The following PCSK6 variants were observed in gnomAD, a reference collection of about 807,000 sequenced individuals.
PCSK6 encodes the protein proprotein convertase subtilisin/kexin type 6.
A neutral mutation model predicts 123.3 loss-of-function variants in PCSK6; 85 were observed. The ratio of observed to expected loss-of-function variants is 0.69; its 90% CI spans 0.58 to 0.83. The LOEUF (loss-of-function observed/expected upper bound fraction) is 0.83, where lower values mean the gene tolerates loss of function less well. Ranked by LOEUF, PCSK6 falls within the 40% of genes least tolerant of loss-of-function variation. The pLI is 0.00. For synonymous variants in PCSK6, 508 were observed against 516.0 expected (o/e 0.98, Z 0.21); for missense variants, 1,191 against 1,282.3 (o/e 0.93, Z 1.09).
At chr15:101,372,894 C>T (rs1029339936) in intron 11 of PCSK6, among the ~76,000 whole-genome samples, 1 of 152,144 alleles carries the variant, frequency 6.6e-6, no homozygotes, top group African/African-American at 2.4e-5. Context: ...ACCAATTGCT[C>T]ATCGGTAGGG....
Position 101,464,191 on chromosome 15 carries a change from T to C in PCSK6, c.298-20531A>G, listed in dbSNP as rs147179482. The stretch of plus-strand genomic sequence containing the variant: ...TGCTGCCTTGCAAGCTGGTGCCCTT[T>C]CTCCACAGACTCACCCACATCCTGC... On this transcript the variant is annotated intron_variant, in intron 1 of 21. Coordinates refer to ENST00000611716, the MANE Select transcript of PCSK6 (RefSeq NM_002570.5). Among the ~76,000 whole-genome samples, 346 of 152,184 alleles carry C rather than the reference T, an allele frequency of 2.3e-3. 1 individual carries two copies. Among genetic ancestry groups the C allele is most frequent in the African/African-American group, 7.6e-3 (316 of 41,508 alleles).
At chr15:101,345,473 T>C (rs1327363825) in intron 13 of PCSK6, among the ~76,000 whole-genome samples, 1 of 152,076 alleles carries the variant, frequency 6.6e-6, no homozygotes, top group African/African-American at 2.4e-5. Context: ...GAAATAATTA[T>C]CAAAACTCTG....
intron 1 of PCSK6, among the ~76,000 whole-genome samples, chr15:101,467,924 C>T (rs534092299): frequency 1.3e-5 from 2 of 152,264 alleles, no homozygotes; most frequent in Admixed American, 6.5e-5. Context: ...GCAAGGAACG[C>T]GTAGGTAATA....
In PCSK6 at chr15:101,365,194, G is replaced by A. The variant is rs1422928451; in HGVS notation, c.1858+1002C>T. The A allele has an allele frequency of 1.5e-5, 7 of 461,584 alleles. No individual in the cohort carries two copies. The East Asian group carries it at 2.1e-4, about 14-fold the overall frequency. 28.6% of individuals were successfully genotyped at this position (461,584 alleles called of 1,614,324 possible). A position where few individuals can be genotyped will look rare whatever the true frequency, so the allele number is the denominator to read the frequency against. On this transcript the variant is annotated intron_variant, in intron 13 of 21. Transcript: ENST00000611716. ...GTAAGAGCTATAACACTCTTAAAAGGAAACACAGGAGTAAATCTCTGTGAC... is the reference window on the plus strand; with the variant it reads ...GTAAGAGCTATAACACTCTTAAAAGAAAACACAGGAGTAAATCTCTGTGAC...
intron 6 of PCSK6, among the ~76,000 whole-genome samples, chr15:101,406,847 C>T (rs1387440903): frequency 1.3e-5 from 2 of 152,172 alleles, no homozygotes; most frequent in African/African-American, 2.4e-5. Context: ...GGAGCCACTC[C>T]ACCTCCTTCT....
chr15:101,343,099 T>A (rs2040655529), intron 13 of PCSK6, among the ~76,000 whole-genome samples: 1 of 152,258 alleles, frequency 6.6e-6, no homozygotes, highest in Admixed American at 6.5e-5. Flanking sequence ...AGGACAATTT[T>A]AATTTTATGT....
intron 19 of PCSK6, among the ~76,000 whole-genome samples, chr15:101,316,682 C>A (rs1000172325): frequency 3.3e-5 from 5 of 152,240 alleles, no homozygotes; most frequent in African/African-American, 1.2e-4. Context: ...CAGGAGGGAA[C>A]TGAGGAGGAC....
At chr15:101,372,988 A>AAC (rs1181747227) in intron 11 of PCSK6, among the ~76,000 whole-genome samples, 2 of 152,006 alleles carry the variant, frequency 1.3e-5, no homozygotes, top group African/African-American at 2.4e-5. Flanking sequence ...GGGATGAGAG[A>AAC]ACGGGAGCAG....
intron 13 of PCSK6, among the ~76,000 whole-genome samples, chr15:101,356,795 A>G (rs73493394): frequency 0.034 from 5,161 of 152,300 alleles, 200 homozygotes; most frequent in African/African-American, 0.099. Context: ...AGCAGGATTC[A>G]CACTCGATTC....
At chr15:101,454,976 GAATGAATA>G (rs1293827190) in intron 1 of PCSK6, among the ~76,000 whole-genome samples, 2 of 132,608 alleles carry the variant, frequency 1.5e-5, no homozygotes, top group African/African-American at 7.5e-5. Context: ...ATGAATGAAT[GAATGAATA>G]AATAAATAAA....
chr15:101,370,542 C>G lies in PCSK6; in HGVS notation c.1533-19G>C. The G allele has an allele frequency of 7.0e-7, 1 of 1,430,284 alleles. No individual in the cohort carries two copies. Among genetic ancestry groups the G allele is most frequent in the Non-Finnish European group, 9.2e-7 (1 of 1,082,802 alleles). 88.6% of individuals were successfully genotyped at this position (1,430,284 alleles called of 1,614,324 possible). A position where few individuals can be genotyped will look rare whatever the true frequency, so the allele number is the denominator to read the frequency against. On this transcript the variant is annotated intron_variant, in intron 11 of 21. Transcript: ENST00000611716. ...GATGCTCCTGGGGGAGAAGGGAGGG[C>G]TCAGCACTTGGCACCGGAAGCATGA...
Position 101,465,474 on chromosome 15 carries a change from G to A in PCSK6, c.298-21814C>T, listed in dbSNP as rs558582651. Among the ~76,000 whole-genome samples, 6 of 152,288 alleles carry A rather than the reference G, an allele frequency of 3.9e-5. No individual in the cohort carries two copies. The South Asian group carries it at 1.0e-3, about 26-fold the overall frequency. On this transcript the variant is annotated intron_variant, in intron 1 of 21. Transcript: ENST00000611716. ...TCCCCAGCTCCAGAGCAGAGTGTGC[G>A]GACACACCCAGGAACGGCTGAGGCT...
intron 15 of PCSK6, among the ~76,000 whole-genome samples, chr15:101,327,824 G>C (rs2040291700): frequency 6.6e-6 from 1 of 152,050 alleles, no homozygotes; most frequent in Non-Finnish European, 1.5e-5. Flanking sequence ...TTTTCACTGG[G>C]GGGGCTTTGC....
At chr15:101,366,132 G>C (rs1327800743) in intron 13 of PCSK6, 64 bp downstream of exon 13, 1 of 1,494,152 alleles carries the variant, frequency 6.7e-7, no homozygotes, top group Non-Finnish European at 9.0e-7. Flanking sequence ...AGTTAAATAA[G>C]GCCCAGAGGT....
chr15:101,479,415 C>T (rs992383238), intron 1 of PCSK6, among the ~76,000 whole-genome samples: 2 of 152,218 alleles, frequency 1.3e-5, no homozygotes, highest in Non-Finnish European at 2.9e-5. Context: ...CTACGGATGG[C>T]CGTGTGGGAA....
At position 101,370,499 on chromosome 15, in the gene PCSK6, C is replaced by A. The variant is rs1431063018; in HGVS notation, c.1557G>T (p.Leu519=). 6 of 1,528,906 alleles carry A rather than the reference C, an allele frequency of 3.9e-6. No individual in the cohort carries two copies. Among genetic ancestry groups the A allele is most frequent in the Middle Eastern group, 1.7e-4 (1 of 5,756 alleles). The allele number at this position is 1,528,906 out of a possible 1,614,324, so 94.7% of individuals were successfully genotyped here. A position where few individuals can be genotyped will look rare whatever the true frequency, so the allele number is the denominator to read the frequency against. Residue 519 remains leucine, a synonymous_variant, in exon 12 of 22, where the codon CTG becomes CTT. Transcript: ENST00000611716. The stretch of plus-strand genomic sequence containing the variant: ...AGGCGCTGGTCAGGGCCGTAGTCCG[C>A]AGCACCTGCACTAAGGGGATGCTCC... ...RPRSIPLVQV[L]RTTALTSACA...
chr15:101,331,122 G>A (rs1163431604), intron 15 of PCSK6, among the ~76,000 whole-genome samples: 1 of 152,220 alleles, frequency 6.6e-6, no homozygotes, highest in Admixed American at 6.5e-5. Flanking sequence ...ACGAATAAAA[G>A]CCATGTCCAG....
At chr15:101,424,430 TGAAGA>T (rs1286807445) in intron 6 of PCSK6, among the ~76,000 whole-genome samples, 3 of 151,604 alleles carry the variant, frequency 2.0e-5, no homozygotes, top group South Asian at 2.1e-4. Context: ...TTAAGAAAAA[TGAAGA>T]GAAGCCACTT....
At chr15:101,421,759 C>T (rs747542945) in intron 6 of PCSK6, among the ~76,000 whole-genome samples, 10 of 152,208 alleles carry the variant, frequency 6.6e-5, no homozygotes, top group Non-Finnish European at 1.5e-4. Context: ...CAGAAACATT[C>T]AGCAAAGCCA....
Sources: gnomAD v4.1 joint callset for allele counts (sites outside exome capture counted in the v4.1 genomes callset) on GRCh38, gnomAD v4.1.1 for gene constraint, MANE v1.5 for transcripts, NCBI Gene and HGNC (gene_info 2026-07-23, HGNC 2026-07-21) for gene names.